IRS2: variants seen among roughly 807,000 people sequenced by gnomAD.
The protein encoded by IRS2 is insulin receptor substrate 2.
IRS2 carries 28 observed loss-of-function variants against 70.9 expected under a neutral mutation model. The observed-to-expected ratio is 0.39, with a 90% CI of 0.29 to 0.54. IRS2 has a LOEUF of 0.54. Among genes scored for constraint, IRS2 ranks in the 20% least tolerant of loss-of-function variants. The probability of loss-of-function intolerance (pLI) is 0.59; values close to 1 mark genes in which losing one functional copy is unlikely to be tolerated. For synonymous variants in IRS2, 1,217 were observed against 981.9 expected, an observed-to-expected ratio of 1.24 and a Z score of -4.48; for missense variants, 2,081 against 2,024.1, an observed-to-expected ratio of 1.03 and a Z score of -0.54.
rs941705741 is a variant in IRS2 at position 109,755,639 on chromosome 13, T to G, written c.*665A>C. On this transcript the variant is annotated 3_prime_UTR_variant, in exon 2 of 2. Coordinates refer to ENST00000375856, the MANE Select transcript of IRS2 (RefSeq NM_003749.3). ...CCGTCTTCAAAGTCCAATCCCAAAT[T>G]TCACTTCCATTGAGAAATGTCAGTC... 5 of 202,352 alleles carry G rather than the reference T, an allele frequency of 2.5e-5. No individual in the cohort carries two copies. The highest frequency in any genetic ancestry group is 1.1e-4 in the African/African-American group (5 of 43,598). 12.5% of individuals were successfully genotyped at this position (202,352 alleles called of 1,614,324 possible).
At position 109,782,199 on chromosome 13, in the gene IRS2, G is replaced by A. The variant is rs746033800; in HGVS notation, c.3855C>T (p.Gly1285=). The A allele has an allele frequency of 6.2e-7, 1 of 1,606,180 alleles. No homozygotes were observed. The highest frequency in any genetic ancestry group is 1.1e-5 in the South Asian group (1 of 90,554). The part of the protein sequence containing the change: ...LPQPGDKSSW[G]RTRSLGGLIS... The stretch of plus-strand genomic sequence containing the variant: ...TGAGACCCCCGAGGCTTCGGGTCCG[G>A]CCCCAGGAGCTCTTGTCTCCCGGCT... Residue 1285 remains glycine (G), a synonymous_variant, in exon 1 of 2, where the codon GGC becomes GGT. Transcript: ENST00000375856.
chr13:109,761,260 T>A (rs1311417493), intron 1 of IRS2, among the ~76,000 whole-genome samples: 1 of 152,252 alleles, frequency 6.6e-6, no homozygotes, highest in South Asian at 2.1e-4. Context: ...GCCAAATTCA[T>A]GGAGTAGGTA....
At chr13:109,763,764 A>G (rs1877276904) in intron 1 of IRS2, among the ~76,000 whole-genome samples, 1 of 152,238 alleles carries the variant, frequency 6.6e-6, no homozygotes, top group East Asian at 1.9e-4. Context: ...CACCATAACA[A>G]TGTTTATATT....
intron 1 of IRS2, among the ~76,000 whole-genome samples, chr13:109,773,580 A>C (rs1877506012): frequency 6.6e-6 from 1 of 152,240 alleles, no homozygotes; most frequent in Non-Finnish European, 1.5e-5. Context: ...TGAAACAATA[A>C]CTTTGTTTCC....
Position 109,784,399 on chromosome 13 carries a change from C to T in IRS2, c.1655G>A (p.Cys552Tyr), listed in dbSNP as rs1347943833. 16 of 1,610,562 alleles carry T rather than the reference C, an allele frequency of 9.9e-6. No individual in the cohort carries two copies. Among genetic ancestry groups the T allele is most frequent in the South Asian group, 4.4e-5 (4 of 91,040 alleles). ...CGAGACCCGGCGGTAGGAGCGGCCA[C>T]AGTGGCTCAGGGGCCTGTCCATGGT... Reference protein sequence around the residue: ...YMTMDRPLSHCGRSYRRVSGD... With the variant: ...YMTMDRPLSHYGRSYRRVSGD... Residue 552 changes from cysteine (C) to tyrosine (Y), a missense_variant, in exon 1 of 2, where the codon TGT becomes TAT. Transcript: ENST00000375856. This position sits in a 1 kb window ranked among gnomAD's most constrained non-coding sequence, Gnocchi z 5.2.
rs1877770189 is a variant in IRS2 at position 109,783,047 on chromosome 13, C to A, written c.3007G>T (p.Asp1003Tyr). ...APSGHPVGSL[D>Y]GLLSPEASSP... ...GAGGCCTCGGGGGACAGGAGGCCGT[C>A]CAAGGAGCCCACGGGGTGGCCGCTC... Residue 1003 changes from aspartate to tyrosine, a missense_variant, in exon 1 of 2, where the codon GAC (aspartate) becomes TAC (tyrosine). Physicochemically the swap from Asp to Tyr is radical, Grantham distance 160. Coordinates refer to ENST00000375856, the MANE Select transcript of IRS2 (RefSeq NM_003749.3). 2.9e-6 allele frequency: 4 copies of A among 1,371,032 alleles called. No individual in the cohort carries two copies. The South Asian group carries it at 5.3e-5, about 18-fold the overall frequency. The allele number at this position is 1,371,032 out of a possible 1,614,324, so 84.9% of individuals were successfully genotyped here.
intron 1 of IRS2, among the ~76,000 whole-genome samples, chr13:109,760,011 C>A (rs1344046262): frequency 6.6e-6 from 1 of 152,180 alleles, no homozygotes; most frequent in African/African-American, 2.4e-5. Flanking sequence ...CCCTGAAAAT[C>A]AGCCTGGTTC....
chr13:109,759,742 G>A (rs988736097), intron 1 of IRS2, among the ~76,000 whole-genome samples: 10 of 152,010 alleles, frequency 6.6e-5, no homozygotes, highest in African/African-American at 9.7e-5. Flanking sequence ...TGATTAACAC[G>A]TGCAAGGGCT....
intron 1 of IRS2, among the ~76,000 whole-genome samples, chr13:109,762,042 A>T (rs1330008970): frequency 6.6e-6 from 1 of 152,184 alleles, no homozygotes; most frequent in South Asian, 2.1e-4. Flanking sequence ...ACTTTTACCT[A>T]CTGCACTTCC....
intron 1 of IRS2, among the ~76,000 whole-genome samples, chr13:109,778,623 G>C (rs530242557): frequency 2.0e-5 from 3 of 152,254 alleles, no homozygotes; most frequent in African/African-American, 7.2e-5. Context: ...GACTTCAAAA[G>C]GCAAAACTTT....
rs1877051897 is a variant in IRS2, at chr13:109,754,055, T to A, written c.*2249A>T. The A allele has an allele frequency of 4.3e-6, 1 of 231,182 alleles. No homozygotes were observed. The highest frequency in any genetic ancestry group is 2.2e-5 in the African/African-American group (1 of 45,202). 14.3% of individuals were successfully genotyped at this position (231,182 alleles called of 1,614,324 possible). A position where few individuals can be genotyped will look rare whatever the true frequency, so the allele number is the denominator to read the frequency against. On this transcript the variant is annotated 3_prime_UTR_variant, in exon 2 of 2. Coordinates refer to ENST00000375856, the MANE Select transcript of IRS2 (RefSeq NM_003749.3). ...ACAATAGCAAGAAATATATTTAACA[T>A]CTTGATATCCAGAAACAATACGTAC...
intron 1 of IRS2, among the ~76,000 whole-genome samples, chr13:109,780,080 A>G (rs1877663733): frequency 1.3e-5 from 2 of 152,098 alleles, no homozygotes; most frequent in African/African-American, 4.8e-5. Flanking sequence ...GGCAGAGCCC[A>G]CTGCTGGGGC....
intron 1 of IRS2, among the ~76,000 whole-genome samples, chr13:109,757,510 G>A: frequency 6.6e-6 from 1 of 152,060 alleles, no homozygotes; most frequent in Non-Finnish European, 1.5e-5. Flanking sequence ...CTGAAGCTGA[G>A]AGTGAGTCCC....
chr13:109,783,278 C>T lies in IRS2; in HGVS notation c.2776G>A (p.Glu926Lys), dbSNP rs2138932201. 6.8e-7 allele frequency: 1 copy of T among 1,474,732 alleles called. No homozygotes were observed. The highest frequency in any genetic ancestry group is 8.9e-7 in the Non-Finnish European group (1 of 1,118,598). The allele number at this position is 1,474,732 out of a possible 1,614,324, so 91.4% of individuals were successfully genotyped here. A position where few individuals can be genotyped will look rare whatever the true frequency, so the allele number is the denominator to read the frequency against. ...GGCGGCGACAGGCGGGCCCCGGGCT[C>T]GCCAAAGTCGATGTTGATGTACTCG... ...PGEYINIDFG[E>K]PGARLSPPAP... The change falls in exon 1 of 2, where the codon GAG (glutamate) becomes AAG (lysine). Residue 926 changes from glutamate (E) to lysine (K), a missense_variant. By Grantham distance (56) the Glu-to-Lys change is moderately conservative (BLOSUM62 1). Transcript: ENST00000375856.
In IRS2 at chr13:109,782,334, G is replaced by A. The variant is rs1021824740; in HGVS notation, c.3720C>T (p.Arg1240=). The A allele has an allele frequency of 1.9e-6, 3 of 1,611,600 alleles. No individual in the cohort carries two copies. Among genetic ancestry groups the A allele is most frequent in the South Asian group, 2.2e-5 (2 of 91,080 alleles). Residue 1240 remains arginine (R), a synonymous_variant, in exon 1 of 2, where the codon CGC becomes CGT. Transcript: ENST00000375856. ...TCTGGAAGCCGGCAGAGGTCTCTCT[G>A]CGCATGGGCGATCCACCGCTCCCAG... is the stretch of plus-strand genomic sequence containing the variant. ...GCPGSGGSPM[R]RETSAGFQNG...
chr13:109,772,885 C>CG (rs1259767297), intron 1 of IRS2, among the ~76,000 whole-genome samples: 4 of 151,648 alleles, frequency 2.6e-5, no homozygotes, highest in African/African-American at 7.3e-5. Flanking sequence ...TTAGTAGAGA[C>CG]GGGGTTTCAC....
Position 109,782,268 on chromosome 13 carries a change from G to A in IRS2, c.3786C>T (p.Pro1262=), listed in dbSNP as rs770451249. The part of the protein sequence containing the change: ...NYIAIDVREE[P]GLPPQPQPPP... ...GCGGCTGCGGCTGGGGTGGCAGCCC[G>A]GGCTCCTCCCTCACGTCGATGGCGA... The change falls in exon 1 of 2, where the codon CCC becomes CCT. Residue 1262 remains proline, a synonymous_variant. Transcript: ENST00000375856. 3.1e-6 allele frequency: 5 copies of A among 1,608,886 alleles called. No homozygotes were observed. Among genetic ancestry groups the A allele is most frequent in the Non-Finnish European group, 4.2e-6 (5 of 1,178,536 alleles).
rs746157245 is a variant in IRS2 at position 109,782,119 on chromosome 13, C to G, written c.3935G>C (p.Gly1312Ala). ...GTAGGTGTTGGCAGGGGGCAGGGCA[C>G]CGGGACCCGGCCCCCCGCACCCGCC... ...TGGGCGGPGP[G>A]ALPPANTYAS... Residue 1312 changes from glycine to alanine, a missense_variant, in exon 1 of 2, where the codon GGT (glycine) becomes GCT (alanine). Transcript: ENST00000375856. 6.2e-7 allele frequency: 1 copy of G among 1,610,218 alleles called. No individual in the cohort carries two copies. The highest frequency in any genetic ancestry group is 1.1e-5 in the South Asian group (1 of 90,900).
chr13:109,768,800 T>C (rs1877391160), intron 1 of IRS2, among the ~76,000 whole-genome samples: 1 of 152,074 alleles, frequency 6.6e-6, no homozygotes, highest in Admixed American at 6.6e-5. Flanking sequence ...ATCCTCTCTC[T>C]ACAGACTGGG....
Sources: gnomAD v4.1 joint callset for allele counts (sites outside exome capture counted in the v4.1 genomes callset) on GRCh38, gnomAD v4.1.1 for gene constraint, Gnocchi (gnomAD v3.1) non-coding constraint, MANE v1.5 for transcripts, NCBI Gene and HGNC (gene_info 2026-07-23, HGNC 2026-07-21) for gene names.